ATXN7: variants seen among roughly 807,000 people sequenced by gnomAD.
The protein encoded by ATXN7 is ataxin-7.
In ATXN7, 12 loss-of-function variants were observed where a neutral mutation model predicts 70.5. The observed-to-expected ratio is 0.17, with a 90% confidence interval of 0.11 to 0.28. ATXN7 has a LOEUF of 0.28. Among genes scored for constraint, ATXN7 ranks in the 10% least tolerant of loss-of-function variants. ATXN7 has a pLI of 1.00. For synonymous variants in ATXN7, 498 were observed against 448.7 expected, an observed-to-expected ratio of 1.11 and a Z score of -1.39; for missense variants, 1,256 against 1,131.7, an observed-to-expected ratio of 1.11 and a Z score of -1.58.
At chr3:63,975,261 C>G (rs1268341931) in intron 5 of ATXN7, among the ~76,000 whole-genome samples, 1 of 152,126 alleles carries the variant, frequency 6.6e-6, no homozygotes, top group Admixed American at 6.5e-5. Flanking sequence ...CAAATTGATA[C>G]TATGCTCAGG....
intron 1 of ATXN7, chr3:63,878,650 G>A (rs1013801345): frequency 1.3e-5 from 2 of 152,222 alleles, no homozygotes; most frequent in Non-Finnish European, 2.9e-5. Flanking sequence ...GACGGGCAGA[G>A]TTCAGGATGA....
Position 63,956,420 on chromosome 3 carries a change from CAAAAAAAAAAA to C in ATXN7, c.499+3953_499+3963del, listed in dbSNP as rs1175948780. Among the ~76,000 whole-genome samples, 112 of 36,694 alleles carry C rather than the reference CAAAAAAAAAAA, an allele frequency of 3.1e-3. 2 individuals are homozygous for C. The South Asian group carries it at 0.041, about 13-fold the overall frequency. The allele number at this position is 36,694 out of a possible 152,430, so 24.1% of individuals were successfully genotyped here. ...TGGGTGACGGAGCGAGACTGCATCT[CAAAAAAAAAAA>C]AAAAAAAAAAAAAAAGAGTAAGGTG... is the stretch of plus-strand genomic sequence containing the variant. On this transcript the variant is annotated intron_variant, in intron 5 of 12. Transcript: ENST00000674280.
intron 1 of ATXN7, among the ~76,000 whole-genome samples, chr3:63,875,301 A>G (rs1286592494): frequency 6.6e-6 from 1 of 152,012 alleles, no homozygotes; most frequent in Non-Finnish European, 1.5e-5. Context: ...TATGTTGCCC[A>G]TGCTGGTCTT....
chr3:63,885,423 C>CA, intron 1 of ATXN7, among the ~76,000 whole-genome samples: 1 of 151,728 alleles, frequency 6.6e-6, no homozygotes, highest in Admixed American at 6.6e-5. Flanking sequence ...AATGGCTATT[C>CA]AAAAAGACAG....
intron 4 of ATXN7, among the ~76,000 whole-genome samples, chr3:63,925,180 G>C (rs562560039): frequency 2.0e-5 from 3 of 152,276 alleles, no homozygotes; most frequent in African/African-American, 7.2e-5. Flanking sequence ...TGAAGGAAGA[G>C]GGAAGTTGGG....
At chr3:63,944,535 C>T (rs577342184) in intron 4 of ATXN7, among the ~76,000 whole-genome samples, 94 of 152,140 alleles carry the variant, frequency 6.2e-4, no homozygotes, top group Non-Finnish European at 8.4e-4. Context: ...TGGGATGGTG[C>T]GAGATTTCAT....
Position 63,996,123 on chromosome 3 carries a change from G to T in ATXN7, c.2301G>T (p.Ala767=). The T allele has an allele frequency of 6.2e-7, 1 of 1,614,144 alleles. No individual in the cohort carries two copies. The highest frequency in any genetic ancestry group is 2.2e-5 in the East Asian group (1 of 44,882). ...GLNCVTNKAN[A]VNVRHDQSGR... ...ACTGTGTGACGAATAAAGCAAATGC[G>T]GTGAACGTCCGGCATGACCAGTCAG... is the stretch of plus-strand genomic sequence containing the variant. The change falls in exon 12 of 13, where the codon GCG becomes GCT. Residue 767 remains alanine, a synonymous_variant. Transcript: ENST00000674280.
At position 64,002,698 on chromosome 3, in the gene ATXN7, G is replaced by A. The variant is rs892915605; in HGVS notation, c.*3231G>A. The A allele has an allele frequency of 2.6e-5, 4 of 152,032 alleles. No individual in the cohort carries two copies. The highest frequency in any genetic ancestry group is 9.7e-5 in the African/African-American group (4 of 41,396). The allele number at this position is 152,032 out of a possible 1,614,324, so 9.4% of individuals were successfully genotyped here. A position where few individuals can be genotyped will look rare whatever the true frequency, so the allele number is the denominator to read the frequency against. On this transcript the variant is annotated 3_prime_UTR_variant, in exon 13 of 13. Transcript: ENST00000674280. ...CCTAAATATTGTTTCTAAAATTTTA[G>A]GGGCGGAGTTGAAAACCACCAATGC...
In ATXN7 at chr3:63,995,859, T is replaced by C. The variant is rs745389684; in HGVS notation, c.2037T>C (p.Ser679=). 6.2e-7 allele frequency: 1 copy of C among 1,614,196 alleles called. No individual in the cohort carries two copies. Among genetic ancestry groups the C allele is most frequent in the South Asian group, 1.1e-5 (1 of 91,082 alleles). ...RKPQKLKSSK[S]LRPKESSGNS... ...CTCAGAAATTGAAATCCAGCAAATC[T>C]TTGAGGCCCAAGGAGTCTTCTGGTA... The change falls in exon 12 of 13, where the codon TCT becomes TCC. Residue 679 remains serine, a synonymous_variant. Transcript: ENST00000674280.
At chr3:63,990,700 G>A (rs1465139125) in intron 10 of ATXN7, 38 bp from the exon 11 acceptor site, 29 of 1,613,910 alleles carry the variant, frequency 1.8e-5, no homozygotes, top group Non-Finnish European at 2.5e-5. Context: ...ATGCCAGTGT[G>A]GGAGTCAGCA....
chr3:63,899,149 A>T (rs150047016), intron 2 of ATXN7, among the ~76,000 whole-genome samples: 169 of 150,104 alleles, frequency 1.1e-3, no homozygotes, highest in African/African-American at 3.7e-3. Flanking sequence ...TGCAACCTCC[A>T]CCTCCTAGGT....
chr3:63,928,492 A>G (rs981611233), intron 4 of ATXN7, among the ~76,000 whole-genome samples: 5 of 152,188 alleles, frequency 3.3e-5, no homozygotes, highest in Admixed American at 6.5e-5. Context: ...GGTAGAAAGT[A>G]GTGGTAGTAA....
chr3:63,863,877 C>G lies in ATXN7; in HGVS notation c.-392C>G. 1 of 1,185,812 alleles carries G rather than the reference C, an allele frequency of 8.4e-7. No homozygotes were observed. Among genetic ancestry groups the G allele is most frequent in the East Asian group, 3.8e-5 (1 of 26,422 alleles). The allele number at this position is 1,185,812 out of a possible 1,614,324, so 73.5% of individuals were successfully genotyped here. The stretch of plus-strand genomic sequence containing the variant: ...GGAGGTCAAACTCCCACAATGCAGC[C>G]GGGTAAACAGCCATGGAGGAGGAGG... On this transcript the variant is annotated 5_prime_UTR_variant, in exon 1 of 13. Transcript: ENST00000674280.
chr3:63,980,283 T>C, intron 6 of ATXN7, 116 bp downstream of exon 6: 1 of 1,359,888 alleles, frequency 7.4e-7, no homozygotes, highest in Non-Finnish European at 1.0e-6. Context: ...TGGGGAAGAA[T>C]TCAAATGTAT....
At chr3:63,916,620 A>C (rs1175539857) in intron 4 of ATXN7, among the ~76,000 whole-genome samples, 3 of 151,974 alleles carry the variant, frequency 2.0e-5, no homozygotes, top group Non-Finnish European at 4.4e-5. Context: ...TAGTAAACCT[A>C]CCCAAGGCAA....
At chr3:63,936,404 T>C (rs947412665) in intron 4 of ATXN7, among the ~76,000 whole-genome samples, 61 of 152,316 alleles carry the variant, frequency 4.0e-4, no homozygotes, top group African/African-American at 1.4e-3. Context: ...TCAAGGATTA[T>C]ATTAGCTGAC....
chr3:63,995,786 C>G lies in ATXN7; in HGVS notation c.1964C>G (p.Thr655Arg), dbSNP rs772012460. Reference sequence around the variant, plus strand: ...TCCTCTTCATCCTCATCCCCTTCCACGCCCTCTGGCCTTTCCTCGGTTCCT... The same window carrying G: ...TCCTCTTCATCCTCATCCCCTTCCAGGCCCTCTGGCCTTTCCTCGGTTCCT... Reference protein sequence around the residue: ...QVSSSSSSPSTPSGLSSVPSS... With the variant: ...QVSSSSSSPSRPSGLSSVPSS... The change falls in exon 12 of 13, where the codon ACG becomes AGG. Residue 655 changes from threonine to arginine, a missense_variant. Coordinates refer to ENST00000674280, the MANE Select transcript of ATXN7 (RefSeq NM_001377405.1). The G allele has an allele frequency of 3.7e-6, 6 of 1,614,118 alleles. No individual in the cohort carries two copies. Among genetic ancestry groups the G allele is most frequent in the Non-Finnish European group, 5.1e-6 (6 of 1,180,060 alleles).
rs1283098453 is a variant in ATXN7 at position 63,895,793 on chromosome 3, C to G, written c.-110-2606C>G. 2.6e-5 allele frequency among the ~76,000 whole-genome samples: 4 copies of G among 152,048 alleles called. No individual in the cohort carries two copies. In the East Asian group the frequency reaches 7.7e-4, roughly 29 times the overall value. Reference sequence around the variant, plus strand: ...CTCTCTTGTTTCTCTGTCTCTCTCTCTCTCTCTGTGTCTCTCTCTCTCTTT... The same window carrying G: ...CTCTCTTGTTTCTCTGTCTCTCTCTGTCTCTCTGTGTCTCTCTCTCTCTTT... On this transcript the variant is annotated intron_variant, in intron 1 of 12. Transcript: ENST00000674280.
chr3:63,970,763 G>A (rs1005312900), intron 5 of ATXN7, among the ~76,000 whole-genome samples: 1 of 152,078 alleles, frequency 6.6e-6, no homozygotes, highest in African/African-American at 2.4e-5. Flanking sequence ...GAGTGGAGTC[G>A]TTCTCCCTTG....
Sources: allele counts gnomAD v4.1 joint callset (sites outside exome capture counted in the v4.1 genomes callset), GRCh38; gene constraint gnomAD v4.1.1; transcripts MANE v1.5; gene names NCBI Gene and HGNC (gene_info 2026-07-23, HGNC 2026-07-21).